NKAIN3: variants seen among roughly 807,000 people sequenced by gnomAD.
The protein encoded by NKAIN3 is sodium/potassium transporting ATPase interacting 3, also known as sodium/potassium-transporting ATPase subunit beta-1-interacting protein 3.
Under a neutral mutation model 30.2 loss-of-function variants are expected in NKAIN3, and 25 were observed. The observed-to-expected ratio is 0.83, with a 90% confidence interval of 0.60 to 1.16. The LOEUF is 1.16. NKAIN3 is among the 50% of genes most tolerant of loss of function. The probability of loss-of-function intolerance (pLI) is 0.00; values close to 1 mark genes in which losing one functional copy is unlikely to be tolerated. For synonymous variants in NKAIN3, 91 were observed against 89.6 expected (o/e 1.02, Z -0.09); for missense variants, 225 against 254.1 (o/e 0.89, Z 0.78).
At chr8:62,800,645 C>T (rs1392655786) in intron 4 of NKAIN3, among the ~76,000 whole-genome samples, 2 of 152,176 alleles carry the variant, frequency 1.3e-5, no homozygotes, top group Non-Finnish European at 2.9e-5. Context: ...GCCAAGATGG[C>T]CAAATAGGAA....
chr8:62,451,242 C>CTCTCT (rs1032239684), intron 1 of NKAIN3, among the ~76,000 whole-genome samples: 5 of 151,336 alleles, frequency 3.3e-5, no homozygotes, highest in African/African-American at 4.9e-5. Flanking sequence ...CTTCTCTTCT[C>CTCTCT]TCTCTTCTCT....
At chr8:62,721,744 T>C (rs1815099006) in intron 3 of NKAIN3, among the ~76,000 whole-genome samples, 1 of 152,224 alleles carries the variant, frequency 6.6e-6, no homozygotes, top group Non-Finnish European at 1.5e-5. Context: ...GGGAAGATTA[T>C]TACATTCATA....
intron 4 of NKAIN3, among the ~76,000 whole-genome samples, chr8:62,803,329 C>A (rs1003679171): frequency 5.9e-5 from 9 of 152,060 alleles, no homozygotes; most frequent in Non-Finnish European, 1.0e-4. Flanking sequence ...CAGCACCACA[C>A]CACACCTATT....
chr8:62,819,503 A>G (rs910987884), intron 4 of NKAIN3, among the ~76,000 whole-genome samples: 2 of 152,042 alleles, frequency 1.3e-5, no homozygotes, highest in African/African-American at 4.8e-5. Flanking sequence ...CCTAATCTTC[A>G]TTTTAATTTA....
intron 1 of NKAIN3, among the ~76,000 whole-genome samples, chr8:62,376,876 T>A (rs577252822): frequency 1.3e-5 from 2 of 152,308 alleles, no homozygotes; most frequent in South Asian, 4.1e-4. Flanking sequence ...TTATCTAGAA[T>A]CAACCCTCCA....
chr8:62,281,865 T>C (rs1421393296), intron 1 of NKAIN3, among the ~76,000 whole-genome samples: 1 of 152,124 alleles, frequency 6.6e-6, no homozygotes, highest in Non-Finnish European at 1.5e-5. Context: ...AGCCCAAGCA[T>C]TTTATGAGTT....
intron 1 of NKAIN3, among the ~76,000 whole-genome samples, chr8:62,510,775 G>C (rs563288774): frequency 6.6e-6 from 1 of 152,024 alleles, no homozygotes; most frequent in African/African-American, 2.4e-5. Flanking sequence ...ATCATATTAT[G>C]GGTAAACTGG....
intron 3 of NKAIN3, among the ~76,000 whole-genome samples, chr8:62,689,740 CTTT>C (rs1381210627): frequency 6.6e-6 from 1 of 152,060 alleles, no homozygotes; most frequent in Non-Finnish European, 1.5e-5. Flanking sequence ...ATTTCCTCTT[CTTT>C]ATCTCTTTGA....
chr8:62,543,040 C>T (rs1808893804), intron 1 of NKAIN3, among the ~76,000 whole-genome samples: 1 of 152,146 alleles, frequency 6.6e-6, no homozygotes, highest in African/African-American at 2.4e-5. Flanking sequence ...TATCTATACT[C>T]ATAATTGCAA....
At chr8:62,594,563 C>A (rs572347637) in intron 3 of NKAIN3, among the ~76,000 whole-genome samples, 1 of 152,170 alleles carries the variant, frequency 6.6e-6, no homozygotes, top group South Asian at 2.1e-4. Flanking sequence ...AAAGGCCCAA[C>A]CAAATGTTTT....
chr8:62,876,391 A>G (rs775353722), intron 4 of NKAIN3, among the ~76,000 whole-genome samples: 23 of 152,152 alleles, frequency 1.5e-4, no homozygotes, highest in Admixed American at 6.5e-5. Context: ...CAACCATTGT[A>G]GAAGACAGTG....
At chr8:62,836,026 G>A (rs1396196257) in intron 4 of NKAIN3, among the ~76,000 whole-genome samples, 1 of 152,022 alleles carries the variant, frequency 6.6e-6, no homozygotes, top group Non-Finnish European at 1.5e-5. Context: ...GCACAATCAT[G>A]ATCTTTGGAG....
At chr8:62,270,156 T>A (rs1272158697) in intron 1 of NKAIN3, among the ~76,000 whole-genome samples, 1 of 152,156 alleles carries the variant, frequency 6.6e-6, no homozygotes, top group Non-Finnish European at 1.5e-5. Context: ...CACAGCTCAC[T>A]GCAGCCTCGA....
At chr8:62,706,998 T>C (rs1586111179) in intron 3 of NKAIN3, among the ~76,000 whole-genome samples, 3 of 152,080 alleles carry the variant, frequency 2.0e-5, no homozygotes, top group South Asian at 2.1e-4. Context: ...TCCAGGTCAC[T>C]GCAAATGCTG....
At chr8:62,779,406 C>T (rs1467619740) in intron 4 of NKAIN3, among the ~76,000 whole-genome samples, 1 of 152,132 alleles carries the variant, frequency 6.6e-6, no homozygotes, top group Admixed American at 6.6e-5. Flanking sequence ...GGATGATTCT[C>T]CTCTGACTAG....
At chr8:62,688,735 C>T (rs904775554) in intron 3 of NKAIN3, among the ~76,000 whole-genome samples, 2 of 140,328 alleles carry the variant, frequency 1.4e-5, no homozygotes, top group South Asian at 4.6e-4. Flanking sequence ...GACAGACAGA[C>T]AGACAGACAC....
At chr8:62,809,168 G>T (rs560613956) in intron 4 of NKAIN3, among the ~76,000 whole-genome samples, 10 of 152,214 alleles carry the variant, frequency 6.6e-5, no homozygotes, top group Non-Finnish European at 1.2e-4. Flanking sequence ...CCTGAACATC[G>T]CTGTTATCCT....
intron 1 of NKAIN3, among the ~76,000 whole-genome samples, chr8:62,299,314 G>A (rs1477454826): frequency 1.3e-5 from 2 of 152,094 alleles, no homozygotes; most frequent in East Asian, 3.9e-4. Context: ...TGGATTTGAT[G>A]TGATAGGTGC....
At chr8:62,907,023 T>C (rs1821797035) in intron 4 of NKAIN3, among the ~76,000 whole-genome samples, 1 of 152,186 alleles carries the variant, frequency 6.6e-6, no homozygotes, top group Non-Finnish European at 1.5e-5. Context: ...TAGAGACTTA[T>C]TGAATAACTT....
Sources: gnomAD v4.1 joint callset for allele counts (sites outside exome capture counted in the v4.1 genomes callset) on GRCh38, gnomAD v4.1.1 for gene constraint, MANE v1.5 for transcripts, NCBI Gene and HGNC (gene_info 2026-07-23, HGNC 2026-07-21) for gene names.